The following STK3 variants were observed in gnomAD, a reference collection of about 807,000 sequenced individuals.
The protein encoded by STK3 is serine/threonine-protein kinase 3.
A neutral mutation model predicts 58.0 loss-of-function variants in STK3; 41 were observed. The observed-to-expected ratio is 0.71, with a 90% CI of 0.55 to 0.92. The LOEUF (loss-of-function observed/expected upper bound fraction) is 0.92. Ranked by LOEUF, STK3 falls within the 40% of genes least tolerant of loss-of-function variation. STK3 has a pLI of 0.00. For missense variants in STK3, 479 were observed against 602.7 expected (o/e 0.79, Z 2.15); for synonymous variants, 170 against 191.0 (o/e 0.89, Z 0.91).
intron 1 of STK3, among the ~76,000 whole-genome samples, chr8:98,384,631 A>G (rs937184539): frequency 5.3e-5 from 8 of 152,170 alleles, no homozygotes; most frequent in Non-Finnish European, 1.5e-5. Flanking sequence ...ATCTTCCAGA[A>G]AGAAGGGATC....
At chr8:98,432,488 G>A (rs772153433) in intron 3 of STK3, 2 of 167,184 alleles carry the variant, frequency 1.2e-5, no homozygotes, top group African/African-American at 4.8e-5. Context: ...CACATTTCTC[G>A]GGTTTGTGAG....
chr8:98,394,354 G>A (rs377613061), intron 3 of STK3, among the ~76,000 whole-genome samples: 16 of 151,968 alleles, frequency 1.1e-4, no homozygotes, highest in African/African-American at 2.7e-4. Flanking sequence ...AAACTCAAAC[G>A]AGAGATTGTA....
the STK3 span, among the ~76,000 whole-genome samples, chr8:98,348,680 G>A: frequency 5.3e-5 from 8 of 152,180 alleles, no homozygotes; most frequent in African/African-American, 1.9e-4. Context: ...AACATTATAT[G>A]TCATTAGGGA....
the STK3 span, among the ~76,000 whole-genome samples, chr8:98,363,755 G>A: frequency 6.6e-6 from 1 of 152,184 alleles, no homozygotes; most frequent in Admixed American, 6.5e-5. Flanking sequence ...AGAGCCTCCT[G>A]GTCTCATCTC....
chr8:98,882,417 T>C (rs1445391461), downstream of STK3: 1 of 54,788 alleles, frequency 1.8e-5, no homozygotes, highest in Admixed American at 3.2e-4. Context: ...ATATCCTTTT[T>C]TTTTTGTTTT....
At chr8:98,724,682 T>C (rs531755311) in intron 4 of STK3, among the ~76,000 whole-genome samples, 1 of 152,072 alleles carries the variant, frequency 6.6e-6, no homozygotes, top group African/African-American at 2.4e-5. Flanking sequence ...ACAGTAGTAG[T>C]AGTAGGAGTA....
intron 4 of STK3, among the ~76,000 whole-genome samples, chr8:98,730,374 T>C (rs1423727611): frequency 6.6e-6 from 1 of 152,138 alleles, no homozygotes; most frequent in African/African-American, 2.4e-5. Context: ...CTGATAAAGG[T>C]ATATAGTGAA....
At chr8:98,584,876 T>G (rs1386361907) in intron 7 of STK3, among the ~76,000 whole-genome samples, 50 of 147,724 alleles carry the variant, frequency 3.4e-4, no homozygotes, top group South Asian at 8.6e-4. Context: ...TTCATGTGTT[T>G]TTTAGCTGCA....
At chr8:98,536,478 A>C (rs1809774698) in intron 9 of STK3, among the ~76,000 whole-genome samples, 1 of 152,026 alleles carries the variant, frequency 6.6e-6, no homozygotes. Context: ...AAATCAAGTA[A>C]GGTTTTCTAG....
At chr8:98,449,518 C>T (rs1028537064) in intron 1 of STK3, among the ~76,000 whole-genome samples, 3 of 152,064 alleles carry the variant, frequency 2.0e-5, no homozygotes, top group African/African-American at 4.8e-5. Context: ...GGACCAAGAA[C>T]GATGAAACTT....
intron 3 of STK3, among the ~76,000 whole-genome samples, chr8:98,855,600 G>A (rs753998501): frequency 6.6e-6 from 1 of 152,140 alleles, no homozygotes; most frequent in Non-Finnish European, 1.5e-5. Context: ...CTTGGATTCA[G>A]CCATAGCTTC....
At chr8:98,535,774 G>A (rs917044999) in intron 9 of STK3, among the ~76,000 whole-genome samples, 1 of 152,090 alleles carries the variant, frequency 6.6e-6, no homozygotes, top group Non-Finnish European at 1.5e-5. Flanking sequence ...GAAGGAGAAG[G>A]AGAAAAATAA....
chr8:98,612,077 T>C (rs1389557753), intron 6 of STK3, among the ~76,000 whole-genome samples: 1 of 149,386 alleles, frequency 6.7e-6, no homozygotes, highest in Non-Finnish European at 1.5e-5. Flanking sequence ...GACATTTATA[T>C]AAATATATAT....
intron 3 of STK3, among the ~76,000 whole-genome samples, chr8:98,843,383 T>G (rs1419437926): frequency 6.6e-6 from 1 of 152,230 alleles, no homozygotes; most frequent in Non-Finnish European, 1.5e-5. Context: ...GGTGGCTCAG[T>G]ACTGACATGA....
chr8:98,895,398 G>T (rs376122819), intron 1 of STK3, among the ~76,000 whole-genome samples: 3 of 152,046 alleles, frequency 2.0e-5, no homozygotes, highest in Admixed American at 6.5e-5. Context: ...CTAAAATTTT[G>T]TCTATGTATC....
At chr8:98,573,699 A>C (rs1813155058) in intron 8 of STK3, among the ~76,000 whole-genome samples, 1 of 152,142 alleles carries the variant, frequency 6.6e-6, no homozygotes, top group African/African-American at 2.4e-5. Context: ...ACAAGTCCAA[A>C]GTCTCATCTG....
the STK3 span, among the ~76,000 whole-genome samples, chr8:98,355,420 T>C: frequency 6.6e-6 from 1 of 152,244 alleles, no homozygotes; most frequent in South Asian, 2.1e-4. Context: ...ACCACATTTC[T>C]AAATTTCTGA....
chr8:98,843,261 T>C (rs575635752), intron 3 of STK3, among the ~76,000 whole-genome samples: 41 of 152,302 alleles, frequency 2.7e-4, no homozygotes, highest in African/African-American at 9.6e-4. Context: ...TAGGCTTCTT[T>C]ATATTGCAAG....
At chr8:98,619,120 T>C (rs1184746203) in intron 6 of STK3, among the ~76,000 whole-genome samples, 13 of 150,306 alleles carry the variant, frequency 8.6e-5, no homozygotes, top group African/African-American at 3.2e-4. Context: ...AACAGAGATA[T>C]AGATCAATGG....
Sources: allele counts gnomAD v4.1 joint callset (sites outside exome capture counted in the v4.1 genomes callset), GRCh38; gene constraint gnomAD v4.1.1; transcripts MANE v1.5; gene names NCBI Gene and HGNC (gene_info 2026-07-23, HGNC 2026-07-21).